BICDL1: variants seen among roughly 807,000 people sequenced by gnomAD.
BICDL1 encodes BICD family-like cargo adapter 1.
A neutral mutation model predicts 76.8 loss-of-function variants in BICDL1; 20 were observed. That is an observed-to-expected ratio of 0.26 (90% confidence interval 0.18 to 0.38). The LOEUF (loss-of-function observed/expected upper bound fraction) is 0.38. Ranked by LOEUF, BICDL1 falls within the 10% of genes least tolerant of loss-of-function variation. The pLI, the probability that BICDL1 is intolerant of heterozygous loss-of-function variation, is 1.00. For missense variants in BICDL1, 700 were observed against 798.6 expected (o/e 0.88, Z 1.49); for synonymous variants, 383 against 337.1 (o/e 1.14, Z -1.49).
chr12:120,085,106 T>TAG lies in BICDL1; in HGVS notation c.1583+4089_1583+4090insAG, dbSNP rs1479856745. On this transcript the variant is annotated intron_variant, in intron 8 of 9. Coordinates refer to ENST00000548673, the MANE Select transcript of BICDL1 (RefSeq NM_001367886.1). The stretch of plus-strand genomic sequence containing the variant: ...TGAATCCCACATAACGATGTATCTT[T>TAG]GCTGCTTGGATTTCCACTATATTTA... Among the ~76,000 whole-genome samples, 16 of 152,308 alleles carry TAG rather than the reference T, an allele frequency of 1.1e-4. No homozygotes were observed. The East Asian group carries it at 1.7e-3, about 17-fold the overall frequency.
chr12:120,062,764 G>GT (rs1953133230), intron 3 of BICDL1, among the ~76,000 whole-genome samples: 1 of 152,132 alleles, frequency 6.6e-6, no homozygotes, highest in Non-Finnish European at 1.5e-5. Context: ...GGTCCTTGAA[G>GT]TAAGTAGAGT....
At chr12:120,048,988 G>A (rs1472285760) in intron 2 of BICDL1, among the ~76,000 whole-genome samples, 2 of 152,062 alleles carry the variant, frequency 1.3e-5, no homozygotes, top group African/African-American at 4.8e-5. Context: ...GCATTTCTTG[G>A]CCAGGTACTG....
intron 2 of BICDL1, among the ~76,000 whole-genome samples, chr12:120,037,483 A>G (rs1952550846): frequency 6.6e-6 from 1 of 152,044 alleles, no homozygotes; most frequent in Non-Finnish European, 1.5e-5. Context: ...AATATTCTCC[A>G]TCCTGGCATC....
intron 2 of BICDL1, among the ~76,000 whole-genome samples, chr12:120,052,703 C>T (rs1299561868): frequency 2.0e-5 from 3 of 152,142 alleles, no homozygotes; most frequent in Non-Finnish European, 4.4e-5. Flanking sequence ...AAACTTTTGC[C>T]CACAAATTTT....
chr12:120,058,282 A>G (rs766846094), intron 2 of BICDL1, among the ~76,000 whole-genome samples: 1 of 152,188 alleles, frequency 6.6e-6, no homozygotes, highest in Non-Finnish European at 1.5e-5. Flanking sequence ...CTAGAGTTTA[A>G]CTTTCTGGTA....
At position 120,081,027 on chromosome 12, in the gene BICDL1, G is replaced by A. The variant is rs767238807; in HGVS notation, c.1583+10G>A. On this transcript the variant is annotated intron_variant, in intron 8 of 9. Coordinates refer to ENST00000548673, the MANE Select transcript of BICDL1 (RefSeq NM_001367886.1). ...ACGAGGCCATTGCAAAGTGAGTAGGGATGGCTTCACTTTATTCTTAAGATA... is the reference window on the plus strand; with the variant it reads ...ACGAGGCCATTGCAAAGTGAGTAGGAATGGCTTCACTTTATTCTTAAGATA... 87 of 1,611,958 alleles carry A rather than the reference G, an allele frequency of 5.4e-5. No homozygotes were observed. Among genetic ancestry groups the A allele is most frequent in the Non-Finnish European group, 4.9e-5 (58 of 1,179,128 alleles).
At chr12:120,089,650 G>A (rs1235009381) in intron 8 of BICDL1, among the ~76,000 whole-genome samples, 1 of 152,156 alleles carries the variant, frequency 6.6e-6, no homozygotes, top group African/African-American at 2.4e-5. Context: ...CCAAAGTGCT[G>A]GGATTACAGG....
At chr12:119,996,039 T>C (rs544637254) in intron 1 of BICDL1, among the ~76,000 whole-genome samples, 51 of 151,922 alleles carry the variant, frequency 3.4e-4, no homozygotes, top group African/African-American at 1.2e-3. Flanking sequence ...AAGGGATGCA[T>C]AGAGCAAAAA....
At chr12:120,073,710 G>A (rs1305455613) in intron 6 of BICDL1, among the ~76,000 whole-genome samples, 3 of 152,110 alleles carry the variant, frequency 2.0e-5, no homozygotes, top group African/African-American at 7.2e-5. Context: ...CCTGTATTGG[G>A]TAAAGTAATA....
At chr12:120,077,487 C>G (rs930060751) in intron 7 of BICDL1, among the ~76,000 whole-genome samples, 2 of 82,784 alleles carry the variant, frequency 2.4e-5, no homozygotes, top group Admixed American at 2.2e-4. Flanking sequence ...ATCGGTGAGG[C>G]CCTCAGCCAG....
At chr12:120,006,792 T>C (rs1007632230) in intron 2 of BICDL1, among the ~76,000 whole-genome samples, 1 of 152,198 alleles carries the variant, frequency 6.6e-6, no homozygotes. Context: ...AGGGCCTTGC[T>C]AGCTACCAGG....
intron 2 of BICDL1, among the ~76,000 whole-genome samples, chr12:120,022,781 A>G (rs914095253): frequency 7.2e-5 from 11 of 152,078 alleles, no homozygotes; most frequent in African/African-American, 2.7e-4. Flanking sequence ...TTGACTTTCA[A>G]AGCTGTAGCA....
intron 2 of BICDL1, among the ~76,000 whole-genome samples, chr12:120,031,226 C>G (rs1221563467): frequency 1.5e-5 from 2 of 131,560 alleles, no homozygotes; most frequent in Admixed American, 1.7e-4. Context: ...TTTTTTGAGA[C>G]AGAGTCTTGC....
chr12:120,058,830 A>T (rs1039172499), intron 2 of BICDL1, among the ~76,000 whole-genome samples: 2 of 152,030 alleles, frequency 1.3e-5, no homozygotes, highest in Non-Finnish European at 2.9e-5. Context: ...ACCTCAGGTG[A>T]TCCACCCACC....
intron 2 of BICDL1, among the ~76,000 whole-genome samples, chr12:120,042,844 A>C (rs1355361720): frequency 6.6e-6 from 1 of 151,096 alleles, no homozygotes; most frequent in Non-Finnish European, 1.5e-5. Flanking sequence ...GTCAGAGGAG[A>C]GGTCAGGGCT....
In BICDL1 at chr12:119,989,703, G is replaced by T. The variant is rs1351855311; in HGVS notation, c.-166G>T. On this transcript the variant is annotated 5_prime_UTR_variant, in exon 1 of 10. Transcript: ENST00000548673. Reference sequence around the variant, plus strand: ...GGCGCGTGCCGCCGGCGCGGGGGAGGGGCGGGCCGGCGCGCGCCGCGCCCA... The same window carrying T: ...GGCGCGTGCCGCCGGCGCGGGGGAGTGGCGGGCCGGCGCGCGCCGCGCCCA... Among the ~76,000 whole-genome samples, 1 of 145,372 alleles carries T rather than the reference G, an allele frequency of 6.9e-6. No homozygotes were observed. The highest frequency in any genetic ancestry group is 6.8e-5 in the Admixed American group (1 of 14,720).
chr12:120,030,890 G>A (rs984474759), intron 2 of BICDL1, among the ~76,000 whole-genome samples: 1 of 152,026 alleles, frequency 6.6e-6, no homozygotes, highest in Non-Finnish European at 1.5e-5. Context: ...TTTGCCTCAA[G>A]GCATGGGTTT....
chr12:120,056,340 T>C (rs1430390820), intron 2 of BICDL1, among the ~76,000 whole-genome samples: 1 of 152,220 alleles, frequency 6.6e-6, no homozygotes, highest in Non-Finnish European at 1.5e-5. Context: ...CACAAGTAAT[T>C]ACTGGCTGCT....
intron 9 of BICDL1, chr12:120,092,481 G>A (rs1279686065): frequency 2.0e-6 from 2 of 985,362 alleles, no homozygotes; most frequent in Non-Finnish European, 2.4e-6. Context: ...TGCCGTTGGT[G>A]CCTGGGCATC....
Sources: allele counts gnomAD v4.1 joint callset (sites outside exome capture counted in the v4.1 genomes callset), GRCh38; gene constraint gnomAD v4.1.1; transcripts MANE v1.5; gene names NCBI Gene and HGNC (gene_info 2026-07-23, HGNC 2026-07-21).